Variants in CTNNA3 observed in about 807,000 individuals in gnomAD.
The protein encoded by CTNNA3 is catenin alpha-3.
In CTNNA3, 76 loss-of-function variants were observed where a neutral mutation model predicts 95.7. The ratio of observed to expected loss-of-function variants is 0.79; its 90% CI spans 0.66 to 0.96. The LOEUF (loss-of-function observed/expected upper bound fraction) is 0.96. CTNNA3 is among the 40% of genes least tolerant of loss of function. The pLI is 0.00. For missense variants in CTNNA3, 1,191 were observed against 1,089.8 expected, an observed-to-expected ratio of 1.09 and a Z score of -1.31; for synonymous variants, 431 against 374.4, an observed-to-expected ratio of 1.15 and a Z score of -1.74.
chr10:67,564,409 C>T (rs948934747), intron 3 of CTNNA3, among the ~76,000 whole-genome samples: 52 of 141,136 alleles, frequency 3.7e-4, no homozygotes, highest in African/African-American at 1.2e-3. Flanking sequence ...AACCAAAGAC[C>T]GCATGTTCTC....
At chr10:67,680,748 T>G (rs1038620444) in intron 1 of CTNNA3, among the ~76,000 whole-genome samples, 1 of 152,236 alleles carries the variant, frequency 6.6e-6, no homozygotes, top group Non-Finnish European at 1.5e-5. Flanking sequence ...GAAAGTTAAT[T>G]TTTATAAATG....
chr10:66,916,462 A>C (rs1846499597), intron 7 of CTNNA3, among the ~76,000 whole-genome samples: 1 of 152,232 alleles, frequency 6.6e-6, no homozygotes. Context: ...GCAAGGATGA[A>C]TGTTTTTAAT....
intron 13 of CTNNA3, among the ~76,000 whole-genome samples, chr10:66,190,142 G>C (rs1025530711): frequency 1.3e-5 from 2 of 152,038 alleles, no homozygotes; most frequent in African/African-American, 4.8e-5. Flanking sequence ...ACTGTTGAAA[G>C]CCAAAACAAA....
At chr10:67,406,005 T>C (rs1845125476) in intron 5 of CTNNA3, among the ~76,000 whole-genome samples, 1 of 152,170 alleles carries the variant, frequency 6.6e-6, no homozygotes, top group African/African-American at 2.4e-5. Flanking sequence ...TGGTGGGAAG[T>C]AATCAGAACA....
At chr10:67,653,573 T>C (rs1839936795) in intron 1 of CTNNA3, among the ~76,000 whole-genome samples, 1 of 152,182 alleles carries the variant, frequency 6.6e-6, no homozygotes, top group African/African-American at 2.4e-5. Flanking sequence ...CTACCAACTA[T>C]GCATCTTCTT....
chr10:66,436,003 C>A (rs2093334743), intron 11 of CTNNA3, among the ~76,000 whole-genome samples: 1 of 152,136 alleles, frequency 6.6e-6, no homozygotes, highest in Non-Finnish European at 1.5e-5. Context: ...GTTTCTTAAT[C>A]CTGAGTTCTA....
At chr10:67,490,539 G>A (rs1439369891) in intron 5 of CTNNA3, among the ~76,000 whole-genome samples, 1 of 152,166 alleles carries the variant, frequency 6.6e-6, no homozygotes. Flanking sequence ...TCACCCTTCT[G>A]GTGCAAGCCT....
chr10:67,687,657 A>G (rs186929831), intron 1 of CTNNA3, among the ~76,000 whole-genome samples: 7 of 152,240 alleles, frequency 4.6e-5, no homozygotes, highest in South Asian at 2.1e-4. Flanking sequence ...CTTTCTCCTG[A>G]TATCTGTGGC....
chr10:66,659,234 T>G (rs1409651317), intron 9 of CTNNA3, among the ~76,000 whole-genome samples: 1 of 149,134 alleles, frequency 6.7e-6, no homozygotes, highest in Non-Finnish European at 1.5e-5. Flanking sequence ...GTAGTTCAAT[T>G]TAACTTCAGA....
At chr10:66,351,068 A>C (rs2092563381) in intron 12 of CTNNA3, among the ~76,000 whole-genome samples, 1 of 152,100 alleles carries the variant, frequency 6.6e-6, no homozygotes, top group Admixed American at 6.5e-5. Context: ...AAACAAAAAC[A>C]AAAGTCTGTA....
intron 7 of CTNNA3, among the ~76,000 whole-genome samples, chr10:66,803,292 C>T (rs572068644): frequency 8.6e-5 from 13 of 151,918 alleles, no homozygotes; most frequent in Non-Finnish European, 1.9e-4. Context: ...CTTACAATTC[C>T]CCAAACTTAC....
intron 12 of CTNNA3, among the ~76,000 whole-genome samples, chr10:66,303,459 C>G (rs1425977713): frequency 1.3e-5 from 2 of 152,010 alleles, no homozygotes; most frequent in African/African-American, 2.4e-5. Context: ...TGCATTTATA[C>G]TTGATTATGT....
chr10:67,639,154 T>C (rs1170073517), intron 2 of CTNNA3, among the ~76,000 whole-genome samples: 1 of 151,652 alleles, frequency 6.6e-6, no homozygotes, highest in African/African-American at 2.4e-5. Context: ...ATAGACCCAA[T>C]AAAAAATGAT....
chr10:65,948,043 C>T (rs59392831), intron 17 of CTNNA3, among the ~76,000 whole-genome samples: 1 of 152,046 alleles, frequency 6.6e-6, no homozygotes, highest in East Asian at 1.9e-4. Flanking sequence ...TTTGGGAGGC[C>T]AAGGTGGGCG....
intron 5 of CTNNA3, among the ~76,000 whole-genome samples, chr10:67,520,121 T>C (rs1839938119): frequency 1.3e-5 from 2 of 152,204 alleles, no homozygotes. Flanking sequence ...CCTCACTGTA[T>C]TGTTATAAGC....
At chr10:66,788,733 G>A (rs2132871012) in intron 7 of CTNNA3, among the ~76,000 whole-genome samples, 1 of 151,852 alleles carries the variant, frequency 6.6e-6, no homozygotes, top group East Asian at 1.9e-4. Flanking sequence ...AAAAAAAAAA[G>A]AACAGAGAAA....
chr10:67,208,544 A>G (rs1864006527), intron 6 of CTNNA3, among the ~76,000 whole-genome samples: 1 of 152,166 alleles, frequency 6.6e-6, no homozygotes, highest in African/African-American at 2.4e-5. Context: ...TTCTCACAGA[A>G]TGAAAAGGAT....
intron 7 of CTNNA3, among the ~76,000 whole-genome samples, chr10:66,816,186 A>G (rs1299356055): frequency 6.6e-6 from 1 of 152,108 alleles, no homozygotes; most frequent in Non-Finnish European, 1.5e-5. Flanking sequence ...TATAAACATA[A>G]CTCTGAAAAT....
At chr10:66,867,256 T>C (rs910613582) in intron 7 of CTNNA3, among the ~76,000 whole-genome samples, 6 of 152,344 alleles carry the variant, frequency 3.9e-5, no homozygotes, top group East Asian at 1.9e-4. Context: ...AAAAACTCCA[T>C]GTGTATTAGC....
Sources: gnomAD v4.1 joint callset for allele counts (sites outside exome capture counted in the v4.1 genomes callset) on GRCh38, gnomAD v4.1.1 for gene constraint, MANE v1.5 for transcripts, NCBI Gene and HGNC (gene_info 2026-07-23, HGNC 2026-07-21) for gene names.